The following TMEM135 variants were observed in gnomAD, a reference collection of about 807,000 sequenced individuals.
TMEM135 encodes peroxisomal membrane protein 52.
A neutral mutation model predicts 60.3 loss-of-function variants in TMEM135; 30 were observed. The observed-to-expected ratio is 0.50, with a 90% CI of 0.37 to 0.68. The LOEUF (loss-of-function observed/expected upper bound fraction) is 0.68, where lower values mean the gene tolerates loss of function less well. Among genes scored for constraint, TMEM135 ranks in the 30% least tolerant of loss-of-function variants. The probability of loss-of-function intolerance (pLI) is 0.00; values close to 1 mark genes in which losing one functional copy is unlikely to be tolerated. For missense variants in TMEM135, 468 were observed against 548.8 expected (o/e 0.85, Z 1.47); for synonymous variants, 190 against 186.7 (o/e 1.02, Z -0.14).
At chr11:87,185,913 C>CTTTTTTTTTTTTTTTTTTTTTTT (rs367985910) in intron 5 of TMEM135, among the ~76,000 whole-genome samples, 4 of 138,848 alleles carry the variant, frequency 2.9e-5, no homozygotes, top group Non-Finnish European at 4.7e-5. Context: ...AGTTATCCTT[C>CTTTTTTTTTTTTTTTTTTTTTTT]TTTTTTTTTT....
intron 4 of TMEM135, among the ~76,000 whole-genome samples, chr11:87,115,197 C>T (rs182912276): frequency 2.0e-4 from 30 of 152,144 alleles, no homozygotes; most frequent in Non-Finnish European, 3.7e-4. Flanking sequence ...CCTTAAGAAA[C>T]ATCTCTCTGC....
At chr11:87,084,313 CT>C (rs5793234) in intron 3 of TMEM135, among the ~76,000 whole-genome samples, 95,789 of 146,012 alleles carry the variant, frequency 0.66, 31,863 homozygotes, top group East Asian at 0.88. Flanking sequence ...AGCAGTGGTT[CT>C]TTTTTTTTTT....
intron 4 of TMEM135, among the ~76,000 whole-genome samples, chr11:87,155,341 G>T (rs1204696220): frequency 2.6e-5 from 4 of 152,212 alleles, no homozygotes; most frequent in African/African-American, 7.2e-5. Flanking sequence ...TCATATTCAA[G>T]AAATCATTGT....
At chr11:87,100,389 A>C (rs972084090) in intron 4 of TMEM135, among the ~76,000 whole-genome samples, 3 of 152,182 alleles carry the variant, frequency 2.0e-5, no homozygotes, top group African/African-American at 7.2e-5. Flanking sequence ...TTGTTTCAGA[A>C]CAGGTAGGGA....
chr11:87,285,215 C>T (rs1436395481), intron 6 of TMEM135, among the ~76,000 whole-genome samples: 4 of 152,144 alleles, frequency 2.6e-5, no homozygotes, highest in Non-Finnish European at 5.9e-5. Context: ...AAGCTCTATA[C>T]TTGAAAATGG....
intron 5 of TMEM135, among the ~76,000 whole-genome samples, chr11:87,162,589 A>C (rs2135275173): frequency 6.6e-6 from 1 of 152,248 alleles, no homozygotes; most frequent in South Asian, 2.1e-4. Context: ...CATGGTGTGT[A>C]TGTGCCACAT....
chr11:87,184,421 A>G (rs1202414997), intron 5 of TMEM135, among the ~76,000 whole-genome samples: 2 of 152,222 alleles, frequency 1.3e-5, no homozygotes. Context: ...TAGACTAAGA[A>G]AATGGCCTTT....
intron 4 of TMEM135, among the ~76,000 whole-genome samples, chr11:87,113,632 AC>A (rs1177015534): frequency 3.3e-5 from 5 of 152,062 alleles, no homozygotes; most frequent in African/African-American, 1.2e-4. Context: ...TCTATAACAG[AC>A]CTAAATTTTG....
chr11:87,318,942 C>A (rs1942777599), intron 13 of TMEM135: 1 of 177,928 alleles, frequency 5.6e-6, no homozygotes, highest in Non-Finnish European at 1.1e-5. Context: ...GATCTCAGCT[C>A]ACTGCAACCT....
chr11:87,324,601 A>ATT lies in TMEM135; in HGVS notation c.*3277_*3278dup, dbSNP rs754905361. ...TGCCTGGCTAATATTTATTTTATTTATTTTTTTTTTGTAGAAACAAGGTGT... is the reference window on the plus strand; with the variant it reads ...TGCCTGGCTAATATTTATTTTATTTATTTTTTTTTTTTGTAGAAACAAGGTGT... On this transcript the variant is annotated 3_prime_UTR_variant, in exon 15 of 15. Coordinates refer to ENST00000305494, the MANE Select transcript of TMEM135 (RefSeq NM_022918.4). The ATT allele has an allele frequency of 1.8e-5, 7 of 398,636 alleles. No individual in the cohort carries two copies. The highest frequency in any genetic ancestry group is 6.4e-5 in the African/African-American group (3 of 46,550). The allele number at this position is 398,636 out of a possible 1,614,324, so 24.7% of individuals were successfully genotyped here.
intron 6 of TMEM135, among the ~76,000 whole-genome samples, chr11:87,258,352 C>G (rs1941572908): frequency 2.6e-5 from 4 of 152,104 alleles, no homozygotes; most frequent in African/African-American, 9.7e-5. Flanking sequence ...GTGGCTAAAG[C>G]TGCAGCCAGC....
intron 4 of TMEM135, among the ~76,000 whole-genome samples, chr11:87,134,799 A>G (rs1938045836): frequency 2.0e-5 from 3 of 152,142 alleles, no homozygotes; most frequent in African/African-American, 7.2e-5. Flanking sequence ...TAGCTTTAGT[A>G]TTTTAAGAAG....
Position 87,038,200 on chromosome 11 carries a change from C to G in TMEM135, c.141+14C>G, listed in dbSNP as rs1356838979. ...CCTCTGTACTTGGTGAGACCCGTCA[C>G]CCGTCCCGCAGGGCGAGTTTAGTCT... On this transcript the variant is annotated intron_variant, in intron 1 of 14. Transcript: ENST00000305494. 16 of 1,613,964 alleles carry G rather than the reference C, an allele frequency of 9.9e-6. No homozygotes were observed. The highest frequency in any genetic ancestry group is 1.3e-5 in the Non-Finnish European group (15 of 1,179,976).
chr11:87,289,349 AT>A (rs1331567889), intron 6 of TMEM135, among the ~76,000 whole-genome samples: 1 of 151,038 alleles, frequency 6.6e-6, no homozygotes, highest in African/African-American at 2.4e-5. Flanking sequence ...ACTGTTAACT[AT>A]AGTCATCCTA....
intron 1 of TMEM135, among the ~76,000 whole-genome samples, chr11:87,043,351 A>G (rs549299686): frequency 6.6e-6 from 1 of 152,178 alleles, no homozygotes; most frequent in African/African-American, 2.4e-5. Flanking sequence ...AGAATTTTAT[A>G]TTGTATTTCT....
At chr11:87,234,567 G>C (rs1412750442) in intron 5 of TMEM135, among the ~76,000 whole-genome samples, 1 of 151,950 alleles carries the variant, frequency 6.6e-6, no homozygotes, top group Non-Finnish European at 1.5e-5. Flanking sequence ...GATCACTTAT[G>C]TCAGTTACAA....
At chr11:87,127,975 G>C (rs1371761783) in intron 4 of TMEM135, among the ~76,000 whole-genome samples, 2 of 152,160 alleles carry the variant, frequency 1.3e-5, no homozygotes, top group Non-Finnish European at 2.9e-5. Context: ...GAGGAACTTT[G>C]AACATCTCTT....
At chr11:87,309,700 A>G (rs765051997) in intron 10 of TMEM135, 28 bp downstream of exon 10, 7 of 1,608,018 alleles carry the variant, frequency 4.4e-6, no homozygotes, top group Non-Finnish European at 5.9e-6. Context: ...GGAAAGAAAA[A>G]TGGGAAATAA....
intron 5 of TMEM135, among the ~76,000 whole-genome samples, chr11:87,232,786 G>A (rs1202369911): frequency 6.6e-6 from 1 of 152,086 alleles, no homozygotes; most frequent in East Asian, 1.9e-4. Context: ...AGACAATTTA[G>A]AGATGTGTAC....
Sources: allele counts gnomAD v4.1 joint callset (sites outside exome capture counted in the v4.1 genomes callset), GRCh38; gene constraint gnomAD v4.1.1; transcripts MANE v1.5; gene names NCBI Gene and HGNC (gene_info 2026-07-23, HGNC 2026-07-21).